The following KLRG2 variants were observed in gnomAD, a reference collection of about 807,000 sequenced individuals.
KLRG2 encodes the protein killer cell lectin-like receptor subfamily G member 2.
A neutral mutation model predicts 35.4 loss-of-function variants in KLRG2; 39 were observed. The observed-to-expected ratio is 1.10, with a 90% CI of 0.85 to 1.44. The LOEUF (loss-of-function observed/expected upper bound fraction) is 1.44, where lower values mean the gene tolerates loss of function less well. Among genes scored for constraint, KLRG2 ranks in the 40% most tolerant of loss-of-function variants. KLRG2 has a pLI of 0.00. For missense variants in KLRG2, 632 were observed against 570.9 expected (o/e 1.11, Z -1.09); for synonymous variants, 283 against 265.8 (o/e 1.06, Z -0.63).
intron 3 of KLRG2, among the ~76,000 whole-genome samples, chr7:139,466,523 T>C (rs186506611): frequency 4.6e-5 from 7 of 152,214 alleles, no homozygotes; most frequent in Admixed American, 4.6e-4. Context: ...ACTCCAATAC[T>C]TTCACCCTGA....
At chr7:139,458,678 G>T (rs1796517810) in intron 3 of KLRG2, among the ~76,000 whole-genome samples, 1 of 152,194 alleles carries the variant, frequency 6.6e-6, no homozygotes, top group Non-Finnish European at 1.5e-5. Flanking sequence ...GTATTCAATG[G>T]TTTAATCTTT....
intron 3 of KLRG2, among the ~76,000 whole-genome samples, chr7:139,468,158 C>CT (rs771155831): frequency 6.0e-4 from 91 of 152,122 alleles, no homozygotes; most frequent in African/African-American, 2.2e-3. Flanking sequence ...TCCTATGACC[C>CT]TGCCACATCC....
chr7:139,468,645 C>A (rs1018556597), intron 3 of KLRG2, among the ~76,000 whole-genome samples: 1 of 152,110 alleles, frequency 6.6e-6, no homozygotes, highest in Non-Finnish European at 1.5e-5. Context: ...TTCACACGGA[C>A]GTGAGTGAAA....
intron 3 of KLRG2, among the ~76,000 whole-genome samples, chr7:139,464,807 C>T (rs1384404052): frequency 2.0e-5 from 3 of 152,174 alleles, no homozygotes; most frequent in South Asian, 4.1e-4. Flanking sequence ...TTTCAGAGGC[C>T]CTCAAAATCA....
At chr7:139,431,933 T>C in the KLRG2 span, among the ~76,000 whole-genome samples, 1 of 152,192 alleles carries the variant, frequency 6.6e-6, no homozygotes, top group Non-Finnish European at 1.5e-5. Context: ...CAACCCAGGC[T>C]GTACACCAGA....
chr7:139,449,499 A>T (rs1252242132), downstream of KLRG2, among the ~76,000 whole-genome samples: 1 of 152,128 alleles, frequency 6.6e-6, no homozygotes, highest in Admixed American at 6.6e-5. Flanking sequence ...ACATTACACT[A>T]TTGGAGACTT....
intron 3 of KLRG2, among the ~76,000 whole-genome samples, chr7:139,468,941 A>G (rs1292929405): frequency 6.6e-6 from 1 of 152,164 alleles, no homozygotes; most frequent in Non-Finnish European, 1.5e-5. Flanking sequence ...ACATGCCGAG[A>G]GACACTAGAG....
chr7:139,480,354 C>G (rs915695548), intron 1 of KLRG2, 107 bp from the exon 2 acceptor site: 2 of 654,354 alleles, frequency 3.1e-6, no homozygotes, highest in African/African-American at 1.8e-5. Flanking sequence ...CTCACCCCAG[C>G]ACCCACCCCC....
Position 139,453,588 on chromosome 7 carries a change from C to A in KLRG2, c.1229G>T (p.Ter410LeuextTer75), listed in dbSNP as rs1185892265. The A allele has an allele frequency of 1.9e-6, 3 of 1,595,104 alleles. No homozygotes were observed. The highest frequency in any genetic ancestry group is 2.6e-6 in the Non-Finnish European group (3 of 1,170,978). The change falls in exon 5 of 5, where the codon TGA becomes TTA. Residue 410 changes from the stop codon to leucine (L), a stop_lost. Coordinates refer to ENST00000340940, the MANE Select transcript of KLRG2 (RefSeq NM_198508.4). ...GCTGAGGACCAGGCAGAGCCCAGAT[C>A]ACTGGGTCCCCTTGGCACAGACCCA... The part of the protein sequence containing the change: ...RPWVCAKGTQ[*>L]
At chr7:139,437,145 G>A in the KLRG2 span, among the ~76,000 whole-genome samples, 1 of 152,164 alleles carries the variant, frequency 6.6e-6, no homozygotes, top group Non-Finnish European at 1.5e-5. Flanking sequence ...TGAATGATTT[G>A]GCCAGGCGCA....
the KLRG2 span, among the ~76,000 whole-genome samples, chr7:139,441,531 G>C: frequency 1.3e-5 from 2 of 151,982 alleles, no homozygotes; most frequent in African/African-American, 4.8e-5. Flanking sequence ...AAAGTTGATG[G>C]GTGCAACAAA....
chr7:139,466,275 A>AC (rs1796652321), intron 3 of KLRG2, among the ~76,000 whole-genome samples: 1 of 152,140 alleles, frequency 6.6e-6, no homozygotes, highest in East Asian at 1.9e-4. Flanking sequence ...GGGTGGGTAG[A>AC]AGCCTTTCCC....
At chr7:139,432,068 A>G in the KLRG2 span, among the ~76,000 whole-genome samples, 17 of 151,880 alleles carry the variant, frequency 1.1e-4, no homozygotes, top group East Asian at 3.1e-3. Context: ...AAAAAAAGTC[A>G]GTCCTGACCA....
chr7:139,465,097 CCTAA>C (rs1330401606), intron 3 of KLRG2, among the ~76,000 whole-genome samples: 1 of 152,180 alleles, frequency 6.6e-6, no homozygotes, highest in African/African-American at 2.4e-5. Flanking sequence ...TTCCACCAGG[CCTAA>C]CTGCCACTCA....
chr7:139,464,507 C>T (rs187387204), intron 3 of KLRG2, among the ~76,000 whole-genome samples: 45 of 152,314 alleles, frequency 3.0e-4, no homozygotes, highest in African/African-American at 1.1e-3. Flanking sequence ...CCCTCCACAA[C>T]CCATTATTCT....
intron 3 of KLRG2, among the ~76,000 whole-genome samples, chr7:139,455,023 A>ATTTT: frequency 6.9e-6 from 1 of 145,442 alleles, no homozygotes; most frequent in African/African-American, 2.5e-5. Flanking sequence ...TATATTTAAG[A>ATTTT]TTTTTTTTTT....
At chr7:139,482,548 A>G (rs1261365969) in intron 1 of KLRG2, among the ~76,000 whole-genome samples, 1 of 152,036 alleles carries the variant, frequency 6.6e-6, no homozygotes, top group African/African-American at 2.4e-5. Context: ...GAATGCCACC[A>G]TGCCAGGCTA....
At chr7:139,447,707 G>T (rs760157870), downstream of KLRG2, among the ~76,000 whole-genome samples, 2 of 151,918 alleles carry the variant, frequency 1.3e-5, no homozygotes, top group African/African-American at 2.4e-5. Flanking sequence ...CCAGCCTTTT[G>T]AATTGGGCCA....
At chr7:139,478,366 A>G (rs1339467449) in intron 3 of KLRG2, among the ~76,000 whole-genome samples, 1 of 142,562 alleles carries the variant, frequency 7.0e-6, no homozygotes, top group African/African-American at 2.6e-5. Context: ...ACCTGTTTCA[A>G]AAAAAAAAAA....
Sources: gnomAD v4.1 joint callset for allele counts (sites outside exome capture counted in the v4.1 genomes callset) on GRCh38, gnomAD v4.1.1 for gene constraint, MANE v1.5 for transcripts, NCBI Gene and HGNC (gene_info 2026-07-23, HGNC 2026-07-21) for gene names.